The following HS6ST3 variants were observed in gnomAD, a reference collection of about 807,000 sequenced individuals.
HS6ST3 encodes heparan-sulfate 6-O-sulfotransferase 3.
In HS6ST3, 12 loss-of-function variants were observed where a neutral mutation model predicts 36.7. That is an observed-to-expected ratio of 0.33 (90% confidence interval 0.21 to 0.53). The LOEUF (loss-of-function observed/expected upper bound fraction) is 0.53, where lower values mean the gene tolerates loss of function less well. Ranked by LOEUF, HS6ST3 falls within the 20% of genes least tolerant of loss-of-function variation. The probability of loss-of-function intolerance (pLI) is 0.95; values close to 1 mark genes in which losing one functional copy is unlikely to be tolerated. For missense variants in HS6ST3, 584 were observed against 640.9 expected (o/e 0.91, Z 0.96); for synonymous variants, 240 against 257.5 (o/e 0.93, Z 0.65).
intron 1 of HS6ST3, among the ~76,000 whole-genome samples, chr13:96,125,638 A>T (rs1051542092): frequency 1.3e-5 from 2 of 152,132 alleles, no homozygotes; most frequent in African/African-American, 2.4e-5. Context: ...CTTTAATTAC[A>T]GTTTTTATAC....
At chr13:96,758,785 T>A (rs1876894783) in intron 1 of HS6ST3, among the ~76,000 whole-genome samples, 1 of 151,882 alleles carries the variant, frequency 6.6e-6, no homozygotes, top group African/African-American at 2.4e-5. Context: ...ATATCAATCT[T>A]GGTGAACTTT....
intron 1 of HS6ST3, among the ~76,000 whole-genome samples, chr13:96,693,170 T>A (rs1875016227): frequency 6.6e-6 from 1 of 152,188 alleles, no homozygotes; most frequent in African/African-American, 2.4e-5. Context: ...AAAAGTTGAT[T>A]GTCCTGTTTC....
At chr13:96,235,066 G>T (rs567984406) in intron 1 of HS6ST3, among the ~76,000 whole-genome samples, 1 of 152,136 alleles carries the variant, frequency 6.6e-6, no homozygotes, top group East Asian at 1.9e-4. Flanking sequence ...ACTCTCAGCT[G>T]ATTTATCCAA....
intron 1 of HS6ST3, among the ~76,000 whole-genome samples, chr13:96,388,507 A>G (rs751048084): frequency 6.6e-5 from 10 of 152,224 alleles, no homozygotes; most frequent in African/African-American, 1.7e-4. Context: ...TCAAATTAGA[A>G]TGGGCCCATA....
chr13:96,652,623 G>A lies in HS6ST3; in HGVS notation c.708-179867G>A, dbSNP rs192133455. Reference sequence around the variant, plus strand: ...TGATTTGAAAGCACCTCATCTGTTTGTTCTTGATTGTACAGTGCATCAGAA... The same window carrying A: ...TGATTTGAAAGCACCTCATCTGTTTATTCTTGATTGTACAGTGCATCAGAA... On this transcript the variant is annotated intron_variant, in intron 1 of 1. Coordinates refer to ENST00000376705, the MANE Select transcript of HS6ST3 (RefSeq NM_153456.4). 5.3e-5 allele frequency among the ~76,000 whole-genome samples: 8 copies of A among 152,190 alleles called. No homozygotes were observed. In the East Asian group the frequency reaches 1.5e-3, roughly 29 times the overall value.
chr13:96,284,641 C>T (rs998008447), intron 1 of HS6ST3, among the ~76,000 whole-genome samples: 1 of 152,098 alleles, frequency 6.6e-6, no homozygotes, highest in African/African-American at 2.4e-5. Context: ...ACAGACACAC[C>T]CAGGAACAGT....
chr13:96,539,361 T>C (rs1468278396), intron 1 of HS6ST3, among the ~76,000 whole-genome samples: 1 of 152,126 alleles, frequency 6.6e-6, no homozygotes, highest in Non-Finnish European at 1.5e-5. Flanking sequence ...GGACACTTTT[T>C]TTTTTTCTTT....
In HS6ST3 at chr13:96,833,404, G is replaced by A. The variant is rs2138551666; in HGVS notation, c.*206G>A. The A allele has an allele frequency of 1.8e-6, 1 of 564,958 alleles. No individual in the cohort carries two copies. The highest frequency in any genetic ancestry group is 2.4e-5 in the South Asian group (1 of 41,138). The allele number at this position is 564,958 out of a possible 1,614,324, so 35.0% of individuals were successfully genotyped here. On this transcript the variant is annotated 3_prime_UTR_variant, in exon 2 of 2. Transcript: ENST00000376705. ...TTTTTCTTGACATTTTGCAATTGGT[G>A]ATATTAAGTAGGGTAGGAGTGCATC... is the stretch of plus-strand genomic sequence containing the variant.
At chr13:96,487,492 C>G (rs2055921223) in intron 1 of HS6ST3, among the ~76,000 whole-genome samples, 1 of 152,108 alleles carries the variant, frequency 6.6e-6, no homozygotes, top group Non-Finnish European at 1.5e-5. Context: ...AAGTAAAAAA[C>G]TTGAATTTCC....
At chr13:96,112,932 G>A (rs1237698278) in intron 1 of HS6ST3, among the ~76,000 whole-genome samples, 1 of 152,020 alleles carries the variant, frequency 6.6e-6, no homozygotes, top group East Asian at 1.9e-4. Flanking sequence ...TATTTAGTCA[G>A]GGATGCAGGG....
intron 1 of HS6ST3, among the ~76,000 whole-genome samples, chr13:96,499,075 G>C: frequency 6.7e-6 from 1 of 149,904 alleles, no homozygotes; most frequent in East Asian, 2.0e-4. Flanking sequence ...GCCTAGGCTG[G>C]AGTGTAGTGG....
intron 1 of HS6ST3, among the ~76,000 whole-genome samples, chr13:96,212,917 T>C (rs912228564): frequency 2.0e-5 from 3 of 152,168 alleles, no homozygotes; most frequent in Non-Finnish European, 4.4e-5. Flanking sequence ...ATATATTTTC[T>C]CTCTCCAGAA....
chr13:96,422,268 T>C (rs1334108521), intron 1 of HS6ST3, among the ~76,000 whole-genome samples: 1 of 152,188 alleles, frequency 6.6e-6, no homozygotes, highest in African/African-American at 2.4e-5. Flanking sequence ...CACGTGTAGT[T>C]TGGTCTTCAG....
intron 1 of HS6ST3, among the ~76,000 whole-genome samples, chr13:96,198,028 A>G (rs1251474088): frequency 6.6e-6 from 1 of 152,140 alleles, no homozygotes; most frequent in Non-Finnish European, 1.5e-5. Flanking sequence ...ACTTCCATAC[A>G]TCTTCTGAAA....
rs142968615 is a variant in HS6ST3 at position 96,665,330 on chromosome 13, ACAT to A, written c.708-167156_708-167154del. On this transcript the variant is annotated intron_variant, in intron 1 of 1. Transcript: ENST00000376705. ...CACATACATAGCAATGGAGCTGGAGACATCATGGTGAGTAAGAGAGAAATGGCC... is the reference window on the plus strand; with the variant it reads ...CACATACATAGCAATGGAGCTGGAGACATGGTGAGTAAGAGAGAAATGGCC... 6.5e-3 allele frequency among the ~76,000 whole-genome samples: 991 copies of A among 152,262 alleles called. 7 individuals carry two copies. Among genetic ancestry groups the A allele is most frequent in the African/African-American group, 0.023 (939 of 41,564 alleles).
At chr13:96,572,679 C>A (rs2056305125) in intron 1 of HS6ST3, among the ~76,000 whole-genome samples, 1 of 151,152 alleles carries the variant, frequency 6.6e-6, no homozygotes, top group Admixed American at 6.6e-5. Context: ...ATCAATAAAT[C>A]TTTAATGAAC....
chr13:96,133,591 T>G (rs2053986694), intron 1 of HS6ST3, among the ~76,000 whole-genome samples: 1 of 151,818 alleles, frequency 6.6e-6, no homozygotes, highest in Admixed American at 6.6e-5. Context: ...GCTGGCTGAT[T>G]TTTGTATTTT....
chr13:96,165,432 A>G (rs1043296766), intron 1 of HS6ST3, among the ~76,000 whole-genome samples: 1 of 152,176 alleles, frequency 6.6e-6, no homozygotes, highest in African/African-American at 2.4e-5. Flanking sequence ...CTAGGAGACA[A>G]CTGGTGTGTT....
intron 1 of HS6ST3, among the ~76,000 whole-genome samples, chr13:96,091,973 G>T (rs894582726): frequency 1.3e-5 from 2 of 152,142 alleles, no homozygotes; most frequent in Non-Finnish European, 2.9e-5. Flanking sequence ...CCCAAACCCA[G>T]GAAAAGGAAG....
Sources: gnomAD v4.1 joint callset for allele counts (sites outside exome capture counted in the v4.1 genomes callset) on GRCh38, gnomAD v4.1.1 for gene constraint, MANE v1.5 for transcripts, NCBI Gene and HGNC (gene_info 2026-07-23, HGNC 2026-07-21) for gene names.